GTPBP10: variants seen among roughly 807,000 people sequenced by gnomAD.
The protein encoded by GTPBP10 is GTP-binding protein 10.
GTPBP10 carries 38 observed loss-of-function variants against 44.8 expected under a neutral mutation model. That is an observed-to-expected ratio of 0.85 (90% confidence interval 0.65 to 1.11). GTPBP10 has a LOEUF of 1.11. Ranked by LOEUF, GTPBP10 falls within the 50% of genes most tolerant of loss-of-function variation. The probability of loss-of-function intolerance (pLI) is 0.00; values close to 1 mark genes in which losing one functional copy is unlikely to be tolerated. For synonymous variants in GTPBP10, 152 were observed against 150.6 expected, an observed-to-expected ratio of 1.01 and a Z score of -0.07; for missense variants, 462 against 453.7, an observed-to-expected ratio of 1.02 and a Z score of -0.17.
chr7:90,373,996 G>A (rs1796303211), intron 5 of GTPBP10, among the ~76,000 whole-genome samples: 2 of 152,046 alleles, frequency 1.3e-5, no homozygotes, highest in African/African-American at 4.8e-5. Flanking sequence ...GCACTGCCAT[G>A]TCTGCCTAGT....
At chr7:90,358,848 G>A (rs1022947463) in intron 4 of GTPBP10, among the ~76,000 whole-genome samples, 1 of 152,190 alleles carries the variant, frequency 6.6e-6, no homozygotes, top group African/African-American at 2.4e-5. Flanking sequence ...TGCAAACTAC[G>A]CATCTAACAG....
intron 8 of GTPBP10, 65 bp downstream of exon 8, chr7:90,378,276 AATAAC>A (rs1796378907): frequency 1.1e-5 from 16 of 1,513,314 alleles, no homozygotes; most frequent in Non-Finnish European, 1.4e-5. Context: ...GACTATATGA[AATAAC>A]ATAATTACAG....
chr7:90,349,164 G>A (rs535837616), intron 1 of GTPBP10, among the ~76,000 whole-genome samples: 1 of 152,172 alleles, frequency 6.6e-6, no homozygotes, highest in African/African-American at 2.4e-5. Context: ...CGAACTTACT[G>A]TTTGGGGCTT....
intron 1 of GTPBP10, among the ~76,000 whole-genome samples, chr7:90,352,282 A>G (rs1201222480): frequency 1.3e-5 from 2 of 152,222 alleles, no homozygotes; most frequent in African/African-American, 2.4e-5. Flanking sequence ...CATTGGAGGA[A>G]CAGATTTTAC....
chr7:90,360,362 A>T (rs1282286855), intron 4 of GTPBP10, among the ~76,000 whole-genome samples: 1 of 152,212 alleles, frequency 6.6e-6, no homozygotes, highest in East Asian at 1.9e-4. Flanking sequence ...ACATATGGCT[A>T]GCCAGTTTTC....
rs764541979 is a variant in GTPBP10 at position 90,365,666 on chromosome 7, G to A, written c.465-6489G>A. Among the ~76,000 whole-genome samples the A allele has an allele frequency of 1.2e-4, 19 of 152,210 alleles. No individual in the cohort carries two copies. In the Middle Eastern group the frequency reaches 0.01, roughly 82 times the overall value. On this transcript the variant is annotated intron_variant, in intron 4 of 9. Transcript: ENST00000222511. ...GCTGGGATTACAGGCGTGAGCCACC[G>A]CGCCCGGCCGGGGTTTTCTAAATAT...
chr7:90,378,097 A>G lies in GTPBP10; in HGVS notation c.700-37A>G, dbSNP rs1487164672. 3 of 1,575,632 alleles carry G rather than the reference A, an allele frequency of 1.9e-6. No homozygotes were observed. The African/African-American group carries it at 4.1e-5, about 21-fold the overall frequency. ...ATAGAAATGTATAGCTATTCTTCGT[A>G]TGTTAAAGGCTGTCTCTTTCCTTCT... is the stretch of plus-strand genomic sequence containing the variant. On this transcript the variant is annotated intron_variant, in intron 7 of 9. Coordinates refer to ENST00000222511, the MANE Select transcript of GTPBP10 (RefSeq NM_033107.4).
intron 4 of GTPBP10, among the ~76,000 whole-genome samples, chr7:90,356,243 C>T (rs1045837636): frequency 6.6e-6 from 1 of 152,160 alleles, no homozygotes; most frequent in African/African-American, 2.4e-5. Flanking sequence ...TTCACAGAGG[C>T]CCCATTCCTG....
At chr7:90,379,783 C>G (rs1353545707) in intron 8 of GTPBP10, among the ~76,000 whole-genome samples, 1 of 152,170 alleles carries the variant, frequency 6.6e-6, no homozygotes, top group African/African-American at 2.4e-5. Flanking sequence ...ATTTTACAGT[C>G]CCACCATCAA....
In GTPBP10 at chr7:90,372,213, A is replaced by G. The variant is rs760380868; in HGVS notation, c.523A>G (p.Ile175Val). Reference protein sequence around the residue: ...LSCVSHAKPAIADYAFTTLKP... With the variant: ...LSCVSHAKPAVADYAFTTLKP... ...TTGTGTTTCTCATGCAAAACCTGCA[A>G]TTGCAGATTACGCATGTAAGTGTAA... The change falls in exon 5 of 10, where the codon ATT (isoleucine) becomes GTT (valine). Residue 175 changes from isoleucine (I) to valine (V), a missense_variant. Physicochemically the swap from Ile to Val is conservative, Grantham distance 29. Transcript: ENST00000222511. 3.7e-6 allele frequency: 6 copies of G among 1,602,030 alleles called. No homozygotes were observed. Among genetic ancestry groups the G allele is most frequent in the Non-Finnish European group, 4.3e-6 (5 of 1,172,112 alleles).
chr7:90,354,463 G>A lies in GTPBP10; in HGVS notation c.233G>A (p.Ser78Asn), dbSNP rs76390138. ...VAGVGANSKISALKGSKGKDC... is the reference protein window; with the variant it reads ...VAGVGANSKINALKGSKGKDC... ...ATATACTTTTTTTTTGGTAGAATTA[G>A]TGCACTGAAAGGCTCCAAAGGAAAA... is the stretch of plus-strand genomic sequence containing the variant. Residue 78 changes from serine (S) to asparagine (N), a missense_variant, in exon 3 of 10, where the codon AGT (serine) becomes AAT (asparagine). Coordinates refer to ENST00000222511, the MANE Select transcript of GTPBP10 (RefSeq NM_033107.4). 14 of 1,549,410 alleles carry A rather than the reference G, an allele frequency of 9.0e-6. No individual in the cohort carries two copies. Among genetic ancestry groups the A allele is most frequent in the Non-Finnish European group, 1.2e-5 (14 of 1,139,354 alleles).
intron 4 of GTPBP10, among the ~76,000 whole-genome samples, chr7:90,370,518 G>A (rs1054264654): frequency 1.3e-5 from 2 of 152,040 alleles, no homozygotes; most frequent in Non-Finnish European, 1.5e-5. Context: ...ATGCAGAGTG[G>A]TATAATGGAC....
chr7:90,388,921 A>T lies in GTPBP10; in HGVS notation c.*3767A>T, dbSNP rs1453275239. On this transcript the variant is annotated 3_prime_UTR_variant, in exon 10 of 10. Coordinates refer to ENST00000222511, the MANE Select transcript of GTPBP10 (RefSeq NM_033107.4). ...TCTACAAATTTGCATTGTCATTAAG[A>T]TATATTAAAAATAATTTTTCAAAGC... 6.6e-6 allele frequency: 1 copy of T among 152,242 alleles called. No homozygotes were observed. Among genetic ancestry groups the T allele is most frequent in the East Asian group, 1.9e-4 (1 of 5,200 alleles). The allele number at this position is 152,242 out of a possible 1,614,324, so 9.4% of individuals were successfully genotyped here.
At chr7:90,355,424 T>G (rs1795877504) in intron 4 of GTPBP10, among the ~76,000 whole-genome samples, 194 bp downstream of exon 4, 1 of 152,166 alleles carries the variant, frequency 6.6e-6, no homozygotes, top group East Asian at 1.9e-4. Context: ...TTATTGCTTA[T>G]TTATAAAATT....
At chr7:90,351,915 C>T (rs1795798135) in intron 1 of GTPBP10, among the ~76,000 whole-genome samples, 1 of 152,276 alleles carries the variant, frequency 6.6e-6, no homozygotes, top group South Asian at 2.1e-4. Flanking sequence ...CCAGGATGGT[C>T]TCGATCTCCT....
Position 90,385,353 on chromosome 7 carries a change from G to C in GTPBP10, c.*199G>C. 2.3e-6 allele frequency: 1 copy of C among 441,766 alleles called. No homozygotes were observed. Among genetic ancestry groups the C allele is most frequent in the Non-Finnish European group, 3.9e-6 (1 of 253,438 alleles). 27.4% of individuals were successfully genotyped at this position (441,766 alleles called of 1,614,324 possible). A position where few individuals can be genotyped will look rare whatever the true frequency, so the allele number is the denominator to read the frequency against. On this transcript the variant is annotated 3_prime_UTR_variant, in exon 10 of 10. Transcript: ENST00000222511. ...AATGGTGGTTATCAAGGGCTGGTGG[G>C]GCAGTGGAGGATTGAGGAGATATTG... is the stretch of plus-strand genomic sequence containing the variant.
chr7:90,381,810 G>C (rs1226688877), intron 8 of GTPBP10, among the ~76,000 whole-genome samples: 1 of 152,146 alleles, frequency 6.6e-6, no homozygotes, highest in Non-Finnish European at 1.5e-5. Flanking sequence ...ACACAGTAAG[G>C]AAAGGACAGT....
intron 1 of GTPBP10, among the ~76,000 whole-genome samples, chr7:90,349,195 A>G (rs760833691): frequency 6.6e-6 from 1 of 152,158 alleles, no homozygotes; most frequent in Non-Finnish European, 1.5e-5. Context: ...TGGCTTTTTC[A>G]ATAATAATGG....
chr7:90,365,768 C>A (rs990599096), intron 4 of GTPBP10, among the ~76,000 whole-genome samples: 3 of 152,202 alleles, frequency 2.0e-5, no homozygotes, highest in African/African-American at 7.2e-5. Context: ...CTCTCTCTTG[C>A]CTGACGGCCC....
Sources: gnomAD v4.1 joint callset for allele counts (sites outside exome capture counted in the v4.1 genomes callset) on GRCh38, gnomAD v4.1.1 for gene constraint, MANE v1.5 for transcripts, NCBI Gene and HGNC (gene_info 2026-07-23, HGNC 2026-07-21) for gene names.